ACSM5: variants seen among roughly 807,000 people sequenced by gnomAD.
The protein encoded by ACSM5 is acyl-coenzyme A synthetase ACSM5, mitochondrial.
In ACSM5, 56 loss-of-function variants were observed where a neutral mutation model predicts 71.6. The observed-to-expected ratio is 0.78, with a 90% CI of 0.63 to 0.98. The LOEUF (loss-of-function observed/expected upper bound fraction) is 0.98. ACSM5 is among the 50% of genes least tolerant of loss of function. ACSM5 has a pLI of 0.00. For synonymous variants in ACSM5, 285 were observed against 281.5 expected (o/e 1.01, Z -0.12); for missense variants, 723 against 726.0 (o/e 1.00, Z 0.05).
intron 6 of ACSM5, among the ~76,000 whole-genome samples, chr16:20,426,958 G>T (rs550308990): frequency 2.4e-4 from 37 of 151,964 alleles, no homozygotes; most frequent in African/African-American, 8.4e-4. Flanking sequence ...GAAGATATTT[G>T]CTAGGACTGC....
intron 2 of ACSM5, among the ~76,000 whole-genome samples, chr16:20,413,407 C>T (rs1264614438): frequency 6.6e-6 from 1 of 152,144 alleles, no homozygotes; most frequent in African/African-American, 2.4e-5. Context: ...ATTTGAGCTG[C>T]CCATTGGTTC....
rs758488500 is a variant in ACSM5, at chr16:20,439,961, G to A, written c.1656+42G>A. 2.5e-6 allele frequency: 4 copies of A among 1,609,566 alleles called. No individual in the cohort carries two copies. The South Asian group carries it at 3.3e-5, about 13-fold the overall frequency. On this transcript the variant is annotated intron_variant, in intron 13 of 13. Coordinates refer to ENST00000331849, the MANE Select transcript of ACSM5 (RefSeq NM_017888.3). ...CCAGGGCACAGTGATCTGGGAATCA[G>A]ATGGGCACGCTCTGCCTGGGCTCCC...
Position 20,440,163 on chromosome 16 carries a change from A to C in ACSM5, c.1657-181A>C, listed in dbSNP as rs1482142255. The stretch of plus-strand genomic sequence containing the variant: ...ATCAGATACAAGAGGTAGTGCTCAA[A>C]TGCTGTCAAAATGATCCTGTGCTCC... On this transcript the variant is annotated intron_variant, in intron 13 of 13. Transcript: ENST00000331849. 1.1e-5 allele frequency: 7 copies of C among 660,826 alleles called. No homozygotes were observed. The East Asian group carries it at 1.9e-4, about 18-fold the overall frequency. 40.9% of individuals were successfully genotyped at this position (660,826 alleles called of 1,614,324 possible). A position where few individuals can be genotyped will look rare whatever the true frequency, so the allele number is the denominator to read the frequency against.
chr16:20,437,247 G>T lies in ACSM5; in HGVS notation c.1437-21G>T, dbSNP rs528824734. On this transcript the variant is annotated intron_variant, in intron 11 of 13. Transcript: ENST00000331849. ...GGGGTTGAGGGAAGCCCACTTGGAA[G>T]AGTTTGTTTTTCCCTTCCAGCTACC... 3.1e-6 allele frequency: 5 copies of T among 1,614,188 alleles called. No individual in the cohort carries two copies. In the South Asian group the frequency reaches 5.5e-5, roughly 18 times the overall value.
intron 7 of ACSM5, among the ~76,000 whole-genome samples, chr16:20,428,447 A>G (rs1188076984): frequency 6.6e-6 from 1 of 152,206 alleles, no homozygotes; most frequent in Non-Finnish European, 1.5e-5. Context: ...ATCCTGGGTG[A>G]AGCCAAAGCA....
At chr16:20,413,257 A>T (rs894593288) in intron 2 of ACSM5, among the ~76,000 whole-genome samples, 10 of 152,202 alleles carry the variant, frequency 6.6e-5, no homozygotes, top group Non-Finnish European at 1.0e-4. Context: ...AGGAAAAAAA[A>T]TGGTAGAATA....
At chr16:20,411,997 T>G in intron 2 of ACSM5, 1 of 372,420 alleles carries the variant, frequency 2.7e-6, no homozygotes, top group Non-Finnish European at 5.1e-6. Context: ...AGTTTTGTTT[T>G]GCTGCTACTC....
At chr16:20,429,851 T>C (rs1967060434) in intron 8 of ACSM5, 50 bp downstream of exon 8, 1 of 1,594,768 alleles carries the variant, frequency 6.3e-7, no homozygotes, top group Non-Finnish European at 8.5e-7. Flanking sequence ...CCTCGAGAGC[T>C]TCCTGCCTCT....
rs1214413385 is a variant in ACSM5 at position 20,419,319 on chromosome 16, T to A, written c.507T>A (p.Ser169Arg). The A allele has an allele frequency of 6.2e-7, 1 of 1,614,038 alleles. No individual in the cohort carries two copies. The highest frequency in any genetic ancestry group is 1.3e-5 in the African/African-American group (1 of 74,908). Residue 169 changes from serine (S) to arginine (R), a missense_variant, in exon 4 of 14, where the codon AGT becomes AGA. Transcript: ENST00000331849. ...CCAGGGCCAAGTCCATTATCACCAG[T>A]GACTCCCTAGCTCCAAGGGTGGATG... ...QASRAKSIIT[S>R]DSLAPRVDAI...
chr16:20,425,331 TC>T (rs1277262736), intron 6 of ACSM5, among the ~76,000 whole-genome samples: 4 of 152,164 alleles, frequency 2.6e-5, no homozygotes, highest in African/African-American at 9.6e-5. Context: ...AGGACCTCAT[TC>T]TTTTTTATGG....
At chr16:20,437,700 TA>T (rs1276138665) in intron 12 of ACSM5, among the ~76,000 whole-genome samples, 1 of 148,962 alleles carries the variant, frequency 6.7e-6, no homozygotes, top group Non-Finnish European at 1.5e-5. Context: ...GATGAGGACA[TA>T]GCAAGCACAC....
At chr16:20,413,329 G>T (rs1030070840) in intron 2 of ACSM5, among the ~76,000 whole-genome samples, 1 of 152,176 alleles carries the variant, frequency 6.6e-6, no homozygotes, top group Non-Finnish European at 1.5e-5. Flanking sequence ...GTGCATCACG[G>T]CAACCATTAG....
At chr16:20,417,993 A>G (rs1966860649) in intron 2 of ACSM5, 66 bp from the exon 3 acceptor site, 1 of 1,456,874 alleles carries the variant, frequency 6.9e-7, no homozygotes, top group African/African-American at 1.4e-5. Context: ...AACATTAAAC[A>G]GCAACAAGCA....
chr16:20,429,248 A>T (rs12927598), intron 7 of ACSM5, among the ~76,000 whole-genome samples: 30 of 152,194 alleles, frequency 2.0e-4, no homozygotes, highest in African/African-American at 7.0e-4. Context: ...CCTGAGATCA[A>T]GCAATCTGCC....
At chr16:20,427,600 G>T (rs1237228947) in intron 6 of ACSM5, among the ~76,000 whole-genome samples, 188 bp from the exon 7 acceptor site, 1 of 152,224 alleles carries the variant, frequency 6.6e-6, no homozygotes, top group Non-Finnish European at 1.5e-5. Context: ...TGAGGTGAGA[G>T]GGGATCCTCC....
Position 20,421,314 on chromosome 16 carries a change from T to C in ACSM5, c.680T>C (p.Ile227Thr). 1 of 1,610,206 alleles carries C rather than the reference T, an allele frequency of 6.2e-7. No homozygotes were observed. Among genetic ancestry groups the C allele is most frequent in the Non-Finnish European group, 8.5e-7 (1 of 1,177,960 alleles). ...ACAAAGAGTCGAGACCCGCTGGCCATCTACTTTACCAGCGGAACCACCGGG... is the reference window on the plus strand; with the variant it reads ...ACAAAGAGTCGAGACCCGCTGGCCACCTACTTTACCAGCGGAACCACCGGG... ...MRTKSRDPLA[I>T]YFTSGTTGAP... Residue 227 changes from isoleucine (I) to threonine (T), a missense_variant, in exon 5 of 14, where the codon ATC becomes ACC. Ile to Thr is a moderately conservative substitution (Grantham distance 89). Coordinates refer to ENST00000331849, the MANE Select transcript of ACSM5 (RefSeq NM_017888.3).
At chr16:20,419,794 G>A (rs1966870329) in intron 4 of ACSM5, 3 of 341,514 alleles carry the variant, frequency 8.8e-6, no homozygotes, top group African/African-American at 2.1e-5. Context: ...TTAGTGTATC[G>A]CTAGATACTG....
chr16:20,410,019 G>A (rs1437872902), intron 1 of ACSM5, among the ~76,000 whole-genome samples: 1 of 152,158 alleles, frequency 6.6e-6, no homozygotes, highest in Non-Finnish European at 1.5e-5. Flanking sequence ...TTTCCAGGAA[G>A]TGAAACCTGA....
At chr16:20,413,741 A>G (rs1313868153) in intron 2 of ACSM5, among the ~76,000 whole-genome samples, 2 of 152,306 alleles carry the variant, frequency 1.3e-5, no homozygotes, top group African/African-American at 4.8e-5. Context: ...GGAAACTCTA[A>G]GCTCGCACTT....
Sources: allele counts gnomAD v4.1 joint callset (sites outside exome capture counted in the v4.1 genomes callset), GRCh38; gene constraint gnomAD v4.1.1; transcripts MANE v1.5; gene names NCBI Gene and HGNC (gene_info 2026-07-23, HGNC 2026-07-21).